The following ATF2 variants were observed in gnomAD, a reference collection of about 807,000 sequenced individuals.
The protein encoded by ATF2 is cyclic AMP-dependent transcription factor ATF-2.
In ATF2, 24 loss-of-function variants were observed where a neutral mutation model predicts 60.6. The observed-to-expected ratio is 0.40, with a 90% confidence interval of 0.29 to 0.56. The LOEUF is 0.56. Among genes scored for constraint, ATF2 ranks in the 20% least tolerant of loss-of-function variants. The pLI is 0.54. For missense variants in ATF2, 433 were observed against 607.7 expected (o/e 0.71, Z 3.02); for synonymous variants, 206 against 215.4 (o/e 0.96, Z 0.38).
At position 175,085,553 on chromosome 2, in the gene ATF2, T is replaced by TACACACACAC. The variant is rs56804408; in HGVS notation, c.1186-4798_1186-4789dup. On this transcript the variant is annotated intron_variant, in intron 12 of 13. Coordinates refer to ENST00000264110, the MANE Select transcript of ATF2 (RefSeq NM_001880.4). ...AAAATAAATAAATAAATACATAACA[T>TACACACACAC]ACACACACACACACACACACACACA... is the stretch of plus-strand genomic sequence containing the variant. Among the ~76,000 whole-genome samples the TACACACACAC allele has an allele frequency of 3.8e-3, 533 of 141,392 alleles. 1 individual carries two copies. Among genetic ancestry groups the TACACACACAC allele is most frequent in the African/African-American group, 0.012 (440 of 36,680 alleles). The allele number at this position is 141,392 out of a possible 152,430, so 92.8% of individuals were successfully genotyped here.
At chr2:175,074,905 TAC>T (rs1326450185) in intron 13 of ATF2, 70 bp from the exon 14 acceptor site, 5 of 1,582,934 alleles carry the variant, frequency 3.2e-6, no homozygotes, top group Non-Finnish European at 4.3e-6. Context: ...GCTGAGGCAA[TAC>T]ACAGAGTAAA....
At chr2:175,125,167 A>G (rs916179154) in intron 4 of ATF2, among the ~76,000 whole-genome samples, 2 of 152,118 alleles carry the variant, frequency 1.3e-5, no homozygotes, top group African/African-American at 4.8e-5. Context: ...ACTGGTGACA[A>G]AAAATAACAA....
At chr2:175,154,004 G>A (rs148277984) in intron 1 of ATF2, among the ~76,000 whole-genome samples, 5,162 of 151,636 alleles carry the variant, frequency 0.034, 291 homozygotes, top group African/African-American at 0.12. Context: ...CGGATCACCT[G>A]AGGTCAGGAG....
chr2:175,087,971 C>T (rs1694282016), intron 12 of ATF2, among the ~76,000 whole-genome samples: 1 of 152,150 alleles, frequency 6.6e-6, no homozygotes, highest in Non-Finnish European at 1.5e-5. Flanking sequence ...GTCTTTTTCG[C>T]TGTTATCCAC....
chr2:175,095,508 T>C (rs1049348622), intron 11 of ATF2, among the ~76,000 whole-genome samples: 1 of 152,238 alleles, frequency 6.6e-6, no homozygotes, highest in African/African-American at 2.4e-5. Flanking sequence ...TCATAAGTAC[T>C]AGCAGAATAA....
chr2:175,083,312 G>C (rs775952439), intron 12 of ATF2, among the ~76,000 whole-genome samples: 6 of 152,080 alleles, frequency 3.9e-5, no homozygotes, highest in Admixed American at 1.3e-4. Context: ...TAGATCAATG[G>C]AACAGAATAG....
chr2:175,085,553 T>TACACACACACACACACAC (rs56804408), intron 12 of ATF2, among the ~76,000 whole-genome samples: 2 of 141,328 alleles, frequency 1.4e-5, no homozygotes, highest in African/African-American at 5.5e-5. Flanking sequence ...ATACATAACA[T>TACACACACACACACACAC]ACACACACAC....
intron 2 of ATF2, among the ~76,000 whole-genome samples, chr2:175,148,218 C>A (rs71419424): frequency 6.6e-6 from 1 of 152,056 alleles, no homozygotes; most frequent in Non-Finnish European, 1.5e-5. Flanking sequence ...TAGTATGAGT[C>A]CCACCCCCTC....
intron 2 of ATF2, among the ~76,000 whole-genome samples, chr2:175,142,720 A>AGAGAGTGTGT (rs1491359659): frequency 3.7e-4 from 26 of 71,096 alleles, no homozygotes; most frequent in African/African-American, 1.1e-3. Context: ...AGAGAGAGAG[A>AGAGAGTGTGT]GTGTGTGTGT....
intron 10 of ATF2, among the ~76,000 whole-genome samples, chr2:175,108,110 C>G (rs1357445974): frequency 1.3e-5 from 2 of 151,890 alleles, no homozygotes; most frequent in Non-Finnish European, 2.9e-5. Flanking sequence ...GCCATCCCAT[C>G]TAGGAAGTGA....
intron 4 of ATF2, among the ~76,000 whole-genome samples, chr2:175,122,128 G>A (rs1465201986): frequency 1.3e-5 from 2 of 151,868 alleles, no homozygotes; most frequent in African/African-American, 4.8e-5. Flanking sequence ...AAAATTTAAA[G>A]TAGCCAAAAT....
At chr2:175,111,533 C>T in intron 10 of ATF2, 35 bp downstream of exon 10, 1 of 1,548,006 alleles carries the variant, frequency 6.5e-7, no homozygotes, top group South Asian at 1.1e-5. Flanking sequence ...AAAACAGCCT[C>T]AAGCAATGTA....
intron 12 of ATF2, among the ~76,000 whole-genome samples, chr2:175,089,517 A>G (rs1277628913): frequency 6.6e-6 from 1 of 152,168 alleles, no homozygotes; most frequent in Non-Finnish European, 1.5e-5. Context: ...AGAATTGATT[A>G]ATGTTTTCAC....
chr2:175,100,173 T>C (rs1043053027), intron 10 of ATF2, among the ~76,000 whole-genome samples: 12 of 152,238 alleles, frequency 7.9e-5, no homozygotes, highest in African/African-American at 2.9e-4. Flanking sequence ...GAACAAATCA[T>C]TGATCTTTGA....
rs1205405 is a variant in ATF2, at chr2:175,108,029, T to C, written c.828+3539A>G. ...AGGAGCGTCTCTGCCTGGCCGCCCATCGTCTGGGATGTGAGGAGCCCCTCT... is the reference window on the plus strand; with the variant it reads ...AGGAGCGTCTCTGCCTGGCCGCCCACCGTCTGGGATGTGAGGAGCCCCTCT... On this transcript the variant is annotated intron_variant, in intron 10 of 13. Transcript: ENST00000264110. Among the ~76,000 whole-genome samples, 404 of 147,642 alleles carry C rather than the reference T, an allele frequency of 2.7e-3. 1 individual carries two copies. The highest frequency in any genetic ancestry group is 9.7e-3 in the African/African-American group (382 of 39,536).
At chr2:175,162,465 C>T (rs1700089316) in intron 1 of ATF2, among the ~76,000 whole-genome samples, 1 of 152,202 alleles carries the variant, frequency 6.6e-6, no homozygotes, top group Admixed American at 6.5e-5. Context: ...ACTGTAGAAA[C>T]ATTTATATCC....
chr2:175,113,137 T>C (rs1349107063), intron 9 of ATF2, among the ~76,000 whole-genome samples: 1 of 152,168 alleles, frequency 6.6e-6, no homozygotes, highest in African/African-American at 2.4e-5. Flanking sequence ...AGGATGAAAA[T>C]TTGAATGTCA....
chr2:175,130,302 T>G (rs1054769708), intron 3 of ATF2, 95 bp from the exon 4 acceptor site: 63 of 752,386 alleles, frequency 8.4e-5, no homozygotes, highest in Non-Finnish European at 1.2e-4. Context: ...GCTTATTAAC[T>G]TTTCTATTTT....
intron 3 of ATF2, among the ~76,000 whole-genome samples, chr2:175,135,247 C>T (rs1422287136): frequency 6.6e-6 from 1 of 152,032 alleles, no homozygotes; most frequent in African/African-American, 2.4e-5. Flanking sequence ...AATGGTTGGA[C>T]CAGGCTGACA....
Sources: allele counts gnomAD v4.1 joint callset (sites outside exome capture counted in the v4.1 genomes callset), GRCh38; gene constraint gnomAD v4.1.1; transcripts MANE v1.5; gene names NCBI Gene and HGNC (gene_info 2026-07-23, HGNC 2026-07-21).